DUSP8: variants seen among roughly 807,000 people sequenced by gnomAD.
DUSP8 encodes dual specificity protein phosphatase 8.
In DUSP8, 15 loss-of-function variants were observed where a neutral mutation model predicts 38.7. The observed-to-expected ratio is 0.39, with a 90% CI of 0.26 to 0.60. DUSP8 has a LOEUF of 0.60. Among genes scored for constraint, DUSP8 ranks in the 20% least tolerant of loss-of-function variants. The pLI is 0.56. For synonymous variants in DUSP8, 458 were observed against 433.9 expected, an observed-to-expected ratio of 1.06 and a Z score of -0.69; for missense variants, 768 against 915.0, an observed-to-expected ratio of 0.84 and a Z score of 2.07.
chr11:1,564,010 A>C (rs981602337), intron 2 of DUSP8, 21 bp from the exon 3 acceptor site: 52 of 1,437,452 alleles, frequency 3.6e-5, no homozygotes, highest in Non-Finnish European at 4.7e-5. Context: ...TGGGGCAGAG[A>C]TCAGCATGCC....
intron 3 of DUSP8, among the ~76,000 whole-genome samples, chr11:1,559,975 G>C (rs938478312): frequency 6.6e-6 from 1 of 152,234 alleles, no homozygotes; most frequent in African/African-American, 2.4e-5. Context: ...GTGGTTCCAA[G>C]AAGATAATGA....
chr11:1,568,155 TTC>T (rs1278247779), intron 1 of DUSP8, among the ~76,000 whole-genome samples: 2 of 152,108 alleles, frequency 1.3e-5, no homozygotes, highest in Non-Finnish European at 2.9e-5. Flanking sequence ...TGGGGGTGGA[TTC>T]TCTCTCACTG....
At chr11:1,569,465 CCACGCGTGAATATGTGCA>C (rs1162412114) in intron 1 of DUSP8, among the ~76,000 whole-genome samples, 2 of 152,112 alleles carry the variant, frequency 1.3e-5, no homozygotes, top group East Asian at 3.9e-4. Flanking sequence ...GTGCAAGTAC[CCACGCGTGAATATGTGCA>C]CACGCGTGGG....
chr11:1,560,384 C>T (rs1278858793), intron 3 of DUSP8, among the ~76,000 whole-genome samples: 2 of 152,158 alleles, frequency 1.3e-5, no homozygotes, highest in African/African-American at 4.8e-5. Context: ...CTCCATTCTC[C>T]CCTGCTGGGT....
At position 1,554,977 on chromosome 11, in the gene DUSP8, A is replaced by T; in HGVS notation, c.*1541T>A. ...GCTGTGGGTGAAAAGAAGAACAAATAGAAGAAACAGCAGAGAGGGCGGCTG... is the reference window on the plus strand; with the variant it reads ...GCTGTGGGTGAAAAGAAGAACAAATTGAAGAAACAGCAGAGAGGGCGGCTG... On this transcript the variant is annotated 3_prime_UTR_variant, in exon 7 of 7. Transcript: ENST00000397374. The T allele has an allele frequency of 1.0e-6, 1 of 986,294 alleles. No homozygotes were observed. Among genetic ancestry groups the T allele is most frequent in the Non-Finnish European group, 1.2e-6 (1 of 830,258 alleles). The allele number at this position is 986,294 out of a possible 1,614,324, so 61.1% of individuals were successfully genotyped here. A position where few individuals can be genotyped will look rare whatever the true frequency, so the allele number is the denominator to read the frequency against.
Position 1,557,296 on chromosome 11 carries a change from G to C in DUSP8, c.1100C>G (p.Thr367Ser). ...EPPAPPTPPA[T>S]SALQQGLRGL... is the part of the protein sequence containing the mutation. ...GCGCAGGCCCTGCTGCAGTGCGCTG[G>C]TCGCCGGGGGCGTGGGGGGCGCGGG... Residue 367 changes from threonine to serine, a missense_variant, in exon 7 of 7, where the codon ACC becomes AGC. By Grantham distance (58) the Thr-to-Ser change is moderately conservative (BLOSUM62 1). Coordinates refer to ENST00000397374, the MANE Select transcript of DUSP8 (RefSeq NM_004420.3). This position sits in a 1 kb window ranked among gnomAD's most constrained non-coding sequence, Gnocchi z 9.9. The C allele has an allele frequency of 6.8e-7, 1 of 1,471,852 alleles. No homozygotes were observed. The highest frequency in any genetic ancestry group is 8.9e-7 in the Non-Finnish European group (1 of 1,120,328). The allele number at this position is 1,471,852 out of a possible 1,614,324, so 91.2% of individuals were successfully genotyped here.
In DUSP8 at chr11:1,557,326, T is replaced by C; in HGVS notation, c.1070A>G (p.Glu357Gly). The change falls in exon 7 of 7, where the codon GAG becomes GGG. Residue 357 changes from glutamate (E) to glycine (G), a missense_variant. This residue lies in a region of DUSP8 where 474 missense variants were observed against 430.8 expected (regional missense o/e 1.10). Coordinates refer to ENST00000397374, the MANE Select transcript of DUSP8 (RefSeq NM_004420.3). This position sits in a 1 kb window ranked among gnomAD's most constrained non-coding sequence, Gnocchi z 9.9. ...CGGGGGCGTGGGGGGCGCGGGGGGCTCCCCGCCCGCGCTCAGGCCGCCCTC... is the reference window on the plus strand; with the variant it reads ...CGGGGGCGTGGGGGGCGCGGGGGGCCCCCCGCCCGCGCTCAGGCCGCCCTC... ...AREGGLSAGG[E>G]PPAPPTPPAT... is the part of the protein sequence containing the mutation. 1 of 1,503,970 alleles carries C rather than the reference T, an allele frequency of 6.6e-7. No individual in the cohort carries two copies. The highest frequency in any genetic ancestry group is 1.5e-5 in the African/African-American group (1 of 68,320). The allele number at this position is 1,503,970 out of a possible 1,614,324, so 93.2% of individuals were successfully genotyped here.
Position 1,558,089 on chromosome 11 carries a change from C to A in DUSP8, c.697+23G>T, listed in dbSNP as rs749070851. Reference sequence around the variant, plus strand: ...TAGCCTTCCTCTAGCCAGGTCCCTGCCCTCCGCCCACCGCAGACTCACCGA... The same window carrying A: ...TAGCCTTCCTCTAGCCAGGTCCCTGACCTCCGCCCACCGCAGACTCACCGA... On this transcript the variant is annotated intron_variant, in intron 5 of 6. Transcript: ENST00000397374. The surrounding 1 kb of genome is among the most constrained non-coding windows in gnomAD (Gnocchi z 6.3). 6.8e-6 allele frequency: 11 copies of A among 1,611,650 alleles called. No individual in the cohort carries two copies. Among genetic ancestry groups the A allele is most frequent in the African/African-American group, 1.3e-5 (1 of 74,842 alleles).
chr11:1,568,567 G>A (rs1381580787), intron 1 of DUSP8, among the ~76,000 whole-genome samples: 2 of 152,188 alleles, frequency 1.3e-5, no homozygotes, highest in Non-Finnish European at 2.9e-5. Flanking sequence ...TGCTCCTGCG[G>A]CAGCCACCAC....
intron 3 of DUSP8, among the ~76,000 whole-genome samples, chr11:1,561,554 G>A (rs1408583015): frequency 2.0e-5 from 3 of 152,242 alleles, no homozygotes; most frequent in Admixed American, 6.5e-5. Flanking sequence ...CCCCAACATC[G>A]TGAGCAGCGC....
rs189651600 is a variant in DUSP8 at position 1,555,496 on chromosome 11, G to A, written c.*1022C>T. On this transcript the variant is annotated 3_prime_UTR_variant, in exon 7 of 7. Coordinates refer to ENST00000397374, the MANE Select transcript of DUSP8 (RefSeq NM_004420.3). The stretch of plus-strand genomic sequence containing the variant: ...CCTGGGGCATGGCTGGGAGGGGGGC[G>A]GGGCAGACCTGGAACAGAACCCTAA... 75 of 691,276 alleles carry A rather than the reference G, an allele frequency of 1.1e-4. No homozygotes were observed. The Middle Eastern group carries it at 2.3e-3, about 21-fold the overall frequency. 42.8% of individuals were successfully genotyped at this position (691,276 alleles called of 1,614,324 possible).
intron 2 of DUSP8, among the ~76,000 whole-genome samples, chr11:1,564,316 G>T (rs528097768): frequency 3.3e-5 from 5 of 152,222 alleles, no homozygotes; most frequent in Admixed American, 3.3e-4. Flanking sequence ...GGAGACACAG[G>T]TGAGTGCGAT....
chr11:1,572,358 C>G (rs1848919336), upstream of DUSP8, among the ~76,000 whole-genome samples: 14 of 147,080 alleles, frequency 9.5e-5, 1 homozygote, highest in South Asian at 3.0e-3. This position sits in a 1 kb window ranked among gnomAD's most constrained non-coding sequence, Gnocchi z 4.7. Flanking sequence ...TGCAGCCAAT[C>G]AGCGCGCGCG....
Position 1,556,300 on chromosome 11 carries a change from T to C in DUSP8, c.*218A>G, listed in dbSNP as rs1478122155. On this transcript the variant is annotated 3_prime_UTR_variant, in exon 7 of 7. Transcript: ENST00000397374. The surrounding 1 kb of genome is among the most constrained non-coding windows in gnomAD (Gnocchi z 5.2). The stretch of plus-strand genomic sequence containing the variant: ...GCCTCGTATTGCTTAGAAACGTATG[T>C]TTCAGTTTAAATACCAGACAGTAAA... 6.7e-6 allele frequency: 4 copies of C among 595,790 alleles called. No individual in the cohort carries two copies. Among genetic ancestry groups the C allele is most frequent in the Non-Finnish European group, 9.7e-6 (4 of 411,832 alleles). The allele number at this position is 595,790 out of a possible 1,614,324, so 36.9% of individuals were successfully genotyped here.
chr11:1,559,076 A>C (rs774264295), intron 3 of DUSP8, 21 bp from the exon 4 acceptor site: 5 of 1,605,026 alleles, frequency 3.1e-6, no homozygotes, highest in Non-Finnish European at 4.2e-6. Context: ...AGGGCCGTCA[A>C]GTGGGTTGAG....
At chr11:1,559,196 G>A (rs754368676) in intron 3 of DUSP8, 141 bp from the exon 4 acceptor site, 40 of 818,576 alleles carry the variant, frequency 4.9e-5, no homozygotes, top group Non-Finnish European at 6.2e-5. Context: ...GAGCCCAGCC[G>A]GCAAGCCTCT....
Position 1,558,286 on chromosome 11 carries a change from G to A in DUSP8, c.538-15C>T, listed in dbSNP as rs1341828114. The A allele has an allele frequency of 1.9e-5, 15 of 796,034 alleles. No homozygotes were observed. The highest frequency in any genetic ancestry group is 2.5e-5 in the Non-Finnish European group (12 of 477,266). 49.3% of individuals were successfully genotyped at this position (796,034 alleles called of 1,614,324 possible). On this transcript the variant is annotated splice_polypyrimidine_tract_variant and intron_variant, in intron 4 of 6. Transcript: ENST00000397374. The surrounding 1 kb of genome is among the most constrained non-coding windows in gnomAD (Gnocchi z 6.3). The stretch of plus-strand genomic sequence containing the variant: ...GTCATCAGATCCTGGAGGGGCGGGA[G>A]GGCGGGTTGGAAAGGGGTGGGAGAA...
intron 3 of DUSP8, among the ~76,000 whole-genome samples, chr11:1,562,814 G>A (rs890643859): frequency 1.3e-5 from 2 of 152,210 alleles, no homozygotes; most frequent in Non-Finnish European, 2.9e-5. Flanking sequence ...CCACCCAGCA[G>A]TGCAGGGTGC....
Position 1,556,816 on chromosome 11 carries a change from C to T in DUSP8, c.1580G>A (p.Ser527Asn). Residue 527 changes from serine (S) to asparagine (N), a missense_variant, in exon 7 of 7, where the codon AGC becomes AAC. This residue lies in a region of DUSP8 where 474 missense variants were observed against 430.8 expected (regional missense o/e 1.10). Coordinates refer to ENST00000397374, the MANE Select transcript of DUSP8 (RefSeq NM_004420.3). The surrounding 1 kb of genome is among the most constrained non-coding windows in gnomAD (Gnocchi z 5.2). Reference sequence around the variant, plus strand: ...GCCCGCCCCCTGTGCGCCCTCGGGGCTGAAGCACCAGGGCCCGTCGGGCGA... The same window carrying T: ...GCCCGCCCCCTGTGCGCCCTCGGGGTTGAAGCACCAGGGCCCGTCGGGCGA... ...TPSPDGPWCF[S>N]PEGAQGAGGV... The T allele has an allele frequency of 8.6e-7, 1 of 1,165,820 alleles. No homozygotes were observed. Among genetic ancestry groups the T allele is most frequent in the Non-Finnish European group, 1.1e-6 (1 of 945,796 alleles). The allele number at this position is 1,165,820 out of a possible 1,614,324, so 72.2% of individuals were successfully genotyped here.
Sources: allele counts gnomAD v4.1 joint callset (sites outside exome capture counted in the v4.1 genomes callset), GRCh38; gene constraint gnomAD v4.1.1; regional missense constraint gnomAD v4.1.1; non-coding constraint Gnocchi (gnomAD v3.1); transcripts MANE v1.5; gene names NCBI Gene and HGNC (gene_info 2026-07-23, HGNC 2026-07-21).